Variants in PACRG observed in about 807,000 individuals in gnomAD.
PACRG encodes parkin coregulated.
PACRG carries 29 observed loss-of-function variants against 29.7 expected under a neutral mutation model. That is an observed-to-expected ratio of 0.98 (90% CI 0.73 to 1.33). The LOEUF is 1.33. Ranked by LOEUF, PACRG falls within the 40% of genes most tolerant of loss-of-function variation. The pLI is 0.00. For missense variants in PACRG, 279 were observed against 316.2 expected (o/e 0.88, Z 0.89); for synonymous variants, 116 against 118.7 (o/e 0.98, Z 0.15).
chr6:162,886,966 G>A (rs1264612529), intron 2 of PACRG, among the ~76,000 whole-genome samples: 1 of 152,152 alleles, frequency 6.6e-6, no homozygotes, highest in Non-Finnish European at 1.5e-5. Flanking sequence ...GGAGTACAGT[G>A]GTGTGATCTC....
chr6:162,926,115 T>C (rs1797418895), intron 2 of PACRG, among the ~76,000 whole-genome samples: 1 of 151,938 alleles, frequency 6.6e-6, no homozygotes, highest in African/African-American at 2.4e-5. Context: ...AAGGACCTCT[T>C]CAAGGAGGAC....
At chr6:162,870,324 AC>A (rs1486760352) in intron 2 of PACRG, among the ~76,000 whole-genome samples, 1 of 152,148 alleles carries the variant, frequency 6.6e-6, no homozygotes. Flanking sequence ...AACTTTTTTA[AC>A]TTTTCACTCA....
At chr6:163,301,485 A>G (rs1227995318) in intron 4 of PACRG, among the ~76,000 whole-genome samples, 2 of 152,218 alleles carry the variant, frequency 1.3e-5, no homozygotes, top group African/African-American at 4.8e-5. Flanking sequence ...AGACTAAAAA[A>G]ACTCATAAAG....
chr6:162,755,766 T>C (rs1192533361), intron 1 of PACRG, among the ~76,000 whole-genome samples: 1 of 152,220 alleles, frequency 6.6e-6, no homozygotes, highest in East Asian at 1.9e-4. Flanking sequence ...TGAACACTTA[T>C]CACTATAAAT....
chr6:162,808,595 A>C (rs976803984), intron 1 of PACRG, among the ~76,000 whole-genome samples: 2 of 152,208 alleles, frequency 1.3e-5, no homozygotes, highest in Non-Finnish European at 2.9e-5. Flanking sequence ...ATTATGCCAC[A>C]TTCCGTAAAT....
At chr6:162,937,790 G>T (rs2128114147) in intron 2 of PACRG, among the ~76,000 whole-genome samples, 1 of 152,132 alleles carries the variant, frequency 6.6e-6, no homozygotes, top group East Asian at 1.9e-4. Flanking sequence ...TGTTGTCTCG[G>T]TTGGACCAAA....
chr6:163,134,644 G>T (rs1246330930), intron 4 of PACRG, among the ~76,000 whole-genome samples: 1 of 152,176 alleles, frequency 6.6e-6, no homozygotes, highest in Non-Finnish European at 1.5e-5. Flanking sequence ...ATTGGAAGGT[G>T]CATCCAAATT....
chr6:162,753,062 G>A (rs1781631362), intron 1 of PACRG, among the ~76,000 whole-genome samples: 1 of 152,130 alleles, frequency 6.6e-6, no homozygotes, highest in South Asian at 2.1e-4. Flanking sequence ...ATTAAATCAA[G>A]CTAATTACAT....
chr6:162,899,656 C>T (rs552801111), intron 2 of PACRG, among the ~76,000 whole-genome samples: 1 of 152,186 alleles, frequency 6.6e-6, no homozygotes, highest in South Asian at 2.1e-4. Flanking sequence ...AGCTTTAGAG[C>T]CCTAAACACT....
chr6:163,165,343 G>C (rs938856994), intron 4 of PACRG: 1 of 152,492 alleles, frequency 6.6e-6, no homozygotes, highest in Non-Finnish European at 1.5e-5. Context: ...GGGCTGGTAG[G>C]GGGCGCTGAG....
chr6:162,871,530 T>C (rs969944052), intron 2 of PACRG, among the ~76,000 whole-genome samples: 7 of 152,210 alleles, frequency 4.6e-5, no homozygotes, highest in African/African-American at 1.4e-4. Flanking sequence ...AACATAAAAA[T>C]ACATTAACCA....
chr6:162,833,757 A>G (rs1360542742), intron 2 of PACRG, among the ~76,000 whole-genome samples: 2 of 152,122 alleles, frequency 1.3e-5, no homozygotes, highest in African/African-American at 4.8e-5. Flanking sequence ...AATTAATTTG[A>G]ATTTTTAGGA....
At chr6:162,896,467 C>T (rs1795174481) in intron 2 of PACRG, among the ~76,000 whole-genome samples, 1 of 152,154 alleles carries the variant, frequency 6.6e-6, no homozygotes, top group African/African-American at 2.4e-5. Context: ...TGGCAGCAGA[C>T]CCACGAGGGT....
At chr6:162,947,610 TC>T (rs1562767244) in intron 2 of PACRG, among the ~76,000 whole-genome samples, 874 of 48,182 alleles carry the variant, frequency 0.018, 73 homozygotes, top group East Asian at 0.05. Flanking sequence ...ATATATATAA[TC>T]ATATATATAT....
At chr6:163,230,797 C>T (rs1314734931) in intron 4 of PACRG, among the ~76,000 whole-genome samples, 4 of 63,822 alleles carry the variant, frequency 6.3e-5, no homozygotes, top group Admixed American at 3.8e-4. Flanking sequence ...GGGAAAAACC[C>T]GGAAGGTTAT....
intron 4 of PACRG, among the ~76,000 whole-genome samples, chr6:163,136,721 C>T (rs1008441235): frequency 3.9e-5 from 6 of 152,032 alleles, no homozygotes; most frequent in African/African-American, 1.2e-4. Context: ...TGATTTTTTG[C>T]CAATTTAGGG....
intron 2 of PACRG, among the ~76,000 whole-genome samples, chr6:162,940,190 C>T (rs1376927683): frequency 6.6e-6 from 1 of 152,108 alleles, no homozygotes; most frequent in African/African-American, 2.4e-5. Context: ...CTGATATGCT[C>T]AAGATCAGGC....
At chr6:162,729,515 T>C (rs931435255) in intron 1 of PACRG, among the ~76,000 whole-genome samples, 2 of 152,152 alleles carry the variant, frequency 1.3e-5, no homozygotes, top group Non-Finnish European at 2.9e-5. Context: ...TGATTTACAG[T>C]AGTTAAAATT....
At chr6:163,180,099 A>G (rs1779582846) in intron 4 of PACRG, among the ~76,000 whole-genome samples, 1 of 152,246 alleles carries the variant, frequency 6.6e-6, no homozygotes, top group Non-Finnish European at 1.5e-5. Context: ...AGCTCTGGTC[A>G]TTGTGATCCT....
Sources: allele counts gnomAD v4.1 joint callset (sites outside exome capture counted in the v4.1 genomes callset), GRCh38; gene constraint gnomAD v4.1.1; transcripts MANE v1.5; gene names NCBI Gene and HGNC (gene_info 2026-07-23, HGNC 2026-07-21).